The following CACNG6 variants were observed in gnomAD, a reference collection of about 807,000 sequenced individuals.
CACNG6 encodes the protein calcium voltage-gated channel auxiliary subunit gamma 6.
CACNG6 carries 21 observed loss-of-function variants against 23.9 expected under a neutral mutation model. The observed-to-expected ratio is 0.88, with a 90% confidence interval of 0.62 to 1.26. The LOEUF is 1.26. Among genes scored for constraint, CACNG6 ranks in the 50% most tolerant of loss-of-function variants. CACNG6 has a pLI of 0.00. For synonymous variants in CACNG6, 182 were observed against 168.9 expected, an observed-to-expected ratio of 1.08 and a Z score of -0.60; for missense variants, 340 against 352.9, an observed-to-expected ratio of 0.96 and a Z score of 0.29.
intron 3 of CACNG6, among the ~76,000 whole-genome samples, chr19:54,001,568 C>T (rs542048165): frequency 8.5e-5 from 13 of 152,318 alleles, no homozygotes; most frequent in South Asian, 4.1e-4. Flanking sequence ...TTAATAATAA[C>T]GCCAGCACCA....
intron 3 of CACNG6, among the ~76,000 whole-genome samples, chr19:54,005,081 C>T (rs1209539863): frequency 6.6e-6 from 1 of 150,972 alleles, no homozygotes; most frequent in African/African-American, 2.4e-5. Flanking sequence ...TGGTGGCGGG[C>T]GCCTGTAATC....
At chr19:54,003,899 C>T (rs1173291324) in intron 3 of CACNG6, among the ~76,000 whole-genome samples, 7 of 152,056 alleles carry the variant, frequency 4.6e-5, no homozygotes. Flanking sequence ...GCTCTGTCGC[C>T]CAGGCTGATG....
chr19:54,004,335 TTGTGTGTGTGTGTGTG>T (rs4022332), intron 3 of CACNG6, among the ~76,000 whole-genome samples: 1,631 of 107,286 alleles, frequency 0.015, 37 homozygotes, highest in African/African-American at 0.055. Context: ...TTTTGTATTT[TTGTGTGTGTGTGTGTG>T]TGTGTGTGTG....
rs1006219427 is a variant in CACNG6, at chr19:53,992,824, G to A, written c.-54G>A. Reference sequence around the variant, plus strand: ...AGGCCGCTCCTCGCTCCCGCCCCTCGAGGCCCTTCGCCGGCTCTGCCTCCT... The same window carrying A: ...AGGCCGCTCCTCGCTCCCGCCCCTCAAGGCCCTTCGCCGGCTCTGCCTCCT... On this transcript the variant is annotated 5_prime_UTR_variant, in exon 1 of 4. Transcript: ENST00000252729. The surrounding 1 kb of genome is among the most constrained non-coding windows in gnomAD (Gnocchi z 4.1). 2 of 1,273,964 alleles carry A rather than the reference G, an allele frequency of 1.6e-6. No individual in the cohort carries two copies. The highest frequency in any genetic ancestry group is 3.1e-5 in the African/African-American group (2 of 64,584). The allele number at this position is 1,273,964 out of a possible 1,614,324, so 78.9% of individuals were successfully genotyped here. A position where few individuals can be genotyped will look rare whatever the true frequency, so the allele number is the denominator to read the frequency against.
Position 54,012,146 on chromosome 19 carries a change from C to T in CACNG6, c.740C>T (p.Pro247Leu). Residue 247 changes from proline to leucine, a missense_variant, in exon 4 of 4, where the codon CCC (proline) becomes CTC (leucine). Pro to Leu is a moderately conservative substitution (Grantham distance 98). Transcript: ENST00000252729. The stretch of plus-strand genomic sequence containing the variant: ...CTGCTGCTCACACTGCCTTCCTGGC[C>T]CTGGGGGTCCCTCTGTCCCAAGCGG... ...CFLLLTLPSW[P>L]WGSLCPKRGH... The T allele has an allele frequency of 2.6e-6, 4 of 1,517,394 alleles. No individual in the cohort carries two copies. The highest frequency in any genetic ancestry group is 2.6e-6 in the Non-Finnish European group (3 of 1,132,250). The allele number at this position is 1,517,394 out of a possible 1,614,324, so 94.0% of individuals were successfully genotyped here. A position where few individuals can be genotyped will look rare whatever the true frequency, so the allele number is the denominator to read the frequency against.
At chr19:54,006,798 G>A (rs778952886) in intron 3 of CACNG6, among the ~76,000 whole-genome samples, 8 of 151,846 alleles carry the variant, frequency 5.3e-5, no homozygotes, top group Middle Eastern at 6.8e-3. Context: ...GCCTCCCAGA[G>A]TATTGGGACT....
chr19:54,006,480 T>C (rs1377434458), intron 3 of CACNG6, among the ~76,000 whole-genome samples: 2 of 151,484 alleles, frequency 1.3e-5, no homozygotes, highest in Non-Finnish European at 2.9e-5. Context: ...CACATGGTCT[T>C]CCCTCTGTAC....
upstream of CACNG6, among the ~76,000 whole-genome samples, chr19:53,991,174 C>T (rs944859892): frequency 6.6e-6 from 1 of 151,474 alleles, no homozygotes; most frequent in African/African-American, 2.4e-5. Context: ...CCAGGTTCCT[C>T]TCCTCTCAGA....
intron 1 of CACNG6, among the ~76,000 whole-genome samples, chr19:53,993,871 G>A (rs148332516): frequency 3.6e-4 from 54 of 150,526 alleles, no homozygotes; most frequent in African/African-American, 1.3e-3. Context: ...CCCAGGCATC[G>A]CTGTGTCCCC....
In CACNG6 at chr19:54,012,068, T is replaced by C; in HGVS notation, c.662T>C (p.Leu221Pro). The C allele has an allele frequency of 6.3e-7, 1 of 1,598,126 alleles. No individual in the cohort carries two copies. Among genetic ancestry groups the C allele is most frequent in the Non-Finnish European group, 8.5e-7 (1 of 1,173,378 alleles). Residue 221 changes from leucine (L) to proline (P), a missense_variant, in exon 4 of 4, where the codon CTG becomes CCG. Transcript: ENST00000252729. Reference sequence around the variant, plus strand: ...CTCACCTACGAGTACTCCTGGTCCCTGGGCTGCGGCGTGGGGGCCGGCCTG... The same window carrying C: ...CTCACCTACGAGTACTCCTGGTCCCCGGGCTGCGGCGTGGGGGCCGGCCTG... ...PRLTYEYSWS[L>P]GCGVGAGLIL...
At chr19:54,004,939 C>T (rs972359712) in intron 3 of CACNG6, among the ~76,000 whole-genome samples, 14 of 151,356 alleles carry the variant, frequency 9.2e-5, no homozygotes, top group African/African-American at 2.5e-4. Flanking sequence ...GAGGGGGGCG[C>T]GGTGGCTCAC....
At position 53,995,045 on chromosome 19, in the gene CACNG6, G is replaced by C. The variant is rs374768928; in HGVS notation, c.331+1837G>C. Among the ~76,000 whole-genome samples, 5 of 152,058 alleles carry C rather than the reference G, an allele frequency of 3.3e-5. No homozygotes were observed. In the East Asian group the frequency reaches 9.7e-4, roughly 29 times the overall value. On this transcript the variant is annotated intron_variant, in intron 1 of 3. Coordinates refer to ENST00000252729, the MANE Select transcript of CACNG6 (RefSeq NM_145814.2). ...TCGTTATTATCACTCCCGTTCTAGA[G>C]AAGAGAAAAATGAGGGGGCGAGAAA... is the stretch of plus-strand genomic sequence containing the variant.
chr19:54,006,150 G>A (rs990837411), intron 3 of CACNG6, among the ~76,000 whole-genome samples: 1 of 135,972 alleles, frequency 7.4e-6, no homozygotes, highest in Non-Finnish European at 1.7e-5. Flanking sequence ...CTCATTTCTA[G>A]CTGGGACTTT....
Position 54,004,602 on chromosome 19 carries a change from A to G in CACNG6, c.544+4831A>G, listed in dbSNP as rs114945116. ...CTTAAATTCCTACTGCTAGAATAACATGGTGGCAAGGCCTCGCGCGGGCTG... is the reference window on the plus strand; with the variant it reads ...CTTAAATTCCTACTGCTAGAATAACGTGGTGGCAAGGCCTCGCGCGGGCTG... On this transcript the variant is annotated intron_variant, in intron 3 of 3. Coordinates refer to ENST00000252729, the MANE Select transcript of CACNG6 (RefSeq NM_145814.2). 6.0e-3 allele frequency among the ~76,000 whole-genome samples: 910 copies of G among 152,168 alleles called. 6 individuals carry two copies. The highest frequency in any genetic ancestry group is 0.02 in the African/African-American group (837 of 41,548).
rs2069475177 is a variant in CACNG6, at chr19:53,992,823, C to G, written c.-55C>G. ...CAGGCCGCTCCTCGCTCCCGCCCCTCGAGGCCCTTCGCCGGCTCTGCCTCC... is the reference window on the plus strand; with the variant it reads ...CAGGCCGCTCCTCGCTCCCGCCCCTGGAGGCCCTTCGCCGGCTCTGCCTCC... On this transcript the variant is annotated 5_prime_UTR_variant, in exon 1 of 4. Transcript: ENST00000252729. The surrounding 1 kb of genome is among the most constrained non-coding windows in gnomAD (Gnocchi z 4.1). The G allele has an allele frequency of 1.6e-6, 2 of 1,269,596 alleles. No individual in the cohort carries two copies. The highest frequency in any genetic ancestry group is 3.1e-5 in the African/African-American group (2 of 64,506). 78.6% of individuals were successfully genotyped at this position (1,269,596 alleles called of 1,614,324 possible). A position where few individuals can be genotyped will look rare whatever the true frequency, so the allele number is the denominator to read the frequency against.
chr19:53,997,938 A>C (rs1401399637), intron 1 of CACNG6, among the ~76,000 whole-genome samples: 3 of 152,158 alleles, frequency 2.0e-5, no homozygotes, highest in Non-Finnish European at 2.9e-5. Flanking sequence ...ACCCATACGA[A>C]GGGGCCAGGA....
chr19:54,011,227 T>TATATATATATATATATAC (rs1442985544), intron 3 of CACNG6, among the ~76,000 whole-genome samples: 27 of 95,254 alleles, frequency 2.8e-4, no homozygotes, highest in African/African-American at 1.6e-3. Context: ...TATATATATA[T>TATATATATATATATATAC]ACACACACAC....
Position 54,004,363 on chromosome 19 carries a change from G to T in CACNG6, c.544+4592G>T, listed in dbSNP as rs1445498059. On this transcript the variant is annotated intron_variant, in intron 3 of 3. Coordinates refer to ENST00000252729, the MANE Select transcript of CACNG6 (RefSeq NM_145814.2). ...TGTGTGTGTGTGTGTGTGTGTGTGT[G>T]TGTGTGTGTGTGTGTGTGTGTGTGT... is the stretch of plus-strand genomic sequence containing the variant. Among the ~76,000 whole-genome samples, 265 of 148,078 alleles carry T rather than the reference G, an allele frequency of 1.8e-3. 1 individual carries two copies. The highest frequency in any genetic ancestry group is 6.3e-3 in the African/African-American group (254 of 40,168).
chr19:54,004,338 TGTGTGTG>T (rs1568816137), intron 3 of CACNG6, among the ~76,000 whole-genome samples: 2,784 of 20,698 alleles, frequency 0.13, 67 homozygotes, highest in East Asian at 0.39. Flanking sequence ...TGTATTTTTG[TGTGTGTG>T]TGTGTGTGTG....
Sources: allele counts gnomAD v4.1 joint callset (sites outside exome capture counted in the v4.1 genomes callset), GRCh38; gene constraint gnomAD v4.1.1; non-coding constraint Gnocchi (gnomAD v3.1); transcripts MANE v1.5; gene names NCBI Gene and HGNC (gene_info 2026-07-23, HGNC 2026-07-21).